Variants in LPIN2 observed in about 807,000 individuals in gnomAD.
LPIN2 encodes the protein lipin 2.
Under a neutral mutation model 111.4 loss-of-function variants are expected in LPIN2, and 55 were observed. The ratio of observed to expected loss-of-function variants is 0.49; its 90% CI spans 0.40 to 0.62. The LOEUF is 0.62. LPIN2 is among the 20% of genes least tolerant of loss of function. The pLI is 0.00. For missense variants in LPIN2, 992 were observed against 1,112.1 expected (o/e 0.89, Z 1.54); for synonymous variants, 425 against 414.0 (o/e 1.03, Z -0.32).
At chr18:2,921,835 A>C (rs2077058321) in intron 17 of LPIN2, 188 bp from the exon 18 acceptor site, 2 of 807,642 alleles carry the variant, frequency 2.5e-6, no homozygotes, top group Non-Finnish European at 3.9e-6. Flanking sequence ...GGAAGGAGAA[A>C]ACTTGACGGT....
chr18:3,002,236 C>CAAAAAAA (rs765641037), intron 1 of LPIN2, among the ~76,000 whole-genome samples: 13 of 82,816 alleles, frequency 1.6e-4, no homozygotes, highest in Middle Eastern at 8.6e-3. Context: ...TTCAAAAGAC[C>CAAAAAAA]AAAAAAAAAA....
intron 7 of LPIN2, 116 bp downstream of exon 7, chr18:2,937,576 G>C: frequency 2.0e-5 from 12 of 596,386 alleles, no homozygotes; most frequent in East Asian, 6.5e-5. Context: ...AAAAAAGTGC[G>C]ACGGGTTTCG....
At chr18:2,990,790 A>AT (rs2078253870) in intron 1 of LPIN2, 1 of 384,556 alleles carries the variant, frequency 2.6e-6, no homozygotes, top group Non-Finnish European at 5.2e-6. Flanking sequence ...GACTGACAAA[A>AT]TAAGGGTTGC....
At chr18:2,949,341 G>C (rs932626079) in intron 4 of LPIN2, among the ~76,000 whole-genome samples, 6 of 152,108 alleles carry the variant, frequency 3.9e-5, no homozygotes, top group Admixed American at 6.5e-5. Context: ...ACTCTTCTCA[G>C]CTAGTATTTT....
At chr18:3,007,002 T>TA (rs577110033) in intron 1 of LPIN2, among the ~76,000 whole-genome samples, 30,391 of 142,498 alleles carry the variant, frequency 0.21, 3,093 homozygotes, top group South Asian at 0.28. Context: ...CTTGTCTCTT[T>TA]AAAAAAAAAA....
chr18:2,962,407 G>C (rs561144766), intron 1 of LPIN2, among the ~76,000 whole-genome samples: 17 of 152,172 alleles, frequency 1.1e-4, no homozygotes, highest in African/African-American at 4.1e-4. Flanking sequence ...GATGGTTTTG[G>C]AATAATTGAT....
At chr18:2,985,623 G>T (rs1039019812) in intron 1 of LPIN2, among the ~76,000 whole-genome samples, 2 of 152,102 alleles carry the variant, frequency 1.3e-5, no homozygotes, top group Non-Finnish European at 2.9e-5. Flanking sequence ...CTTTGTTTTT[G>T]TTTTTTCTAC....
intron 1 of LPIN2, among the ~76,000 whole-genome samples, chr18:2,968,025 C>CTA (rs1475781059): frequency 6.6e-6 from 1 of 152,188 alleles, no homozygotes; most frequent in Non-Finnish European, 1.5e-5. Context: ...GAGCCTCTAA[C>CTA]ACTCACCGCT....
chr18:2,957,314 C>A (rs566463239), intron 2 of LPIN2, among the ~76,000 whole-genome samples: 1 of 152,284 alleles, frequency 6.6e-6, no homozygotes, highest in South Asian at 2.1e-4. Context: ...GCTCAAAAAT[C>A]TGAAACTTCT....
At chr18:2,923,575 A>C (rs916776098) in intron 16 of LPIN2, among the ~76,000 whole-genome samples, 200 bp downstream of exon 16, 2 of 152,188 alleles carry the variant, frequency 1.3e-5, no homozygotes, top group Non-Finnish European at 2.9e-5. Flanking sequence ...TGTGAGGATT[A>C]ACTGAGATGA....
rs1267386721 is a variant in LPIN2 at position 2,939,526 on chromosome 18, T to A, written c.776A>T (p.Glu259Val). The A allele has an allele frequency of 6.2e-7, 1 of 1,614,076 alleles. No individual in the cohort carries two copies. Among genetic ancestry groups the A allele is most frequent in the Non-Finnish European group, 8.5e-7 (1 of 1,179,948 alleles). The change falls in exon 6 of 20, where the codon GAG becomes GTG. Residue 259 changes from glutamate (E) to valine (V), a missense_variant. Around this residue, in one of 4 missense-constraint regions of LPIN2, gnomAD observed 709 missense variants for 753.2 expected, o/e 0.94. Transcript: ENST00000677752. ...VKPAESLLRS[E>V]SHMEWTWGGF... ...GCCCCACGTCCACTCCATGTGAGAC[T>A]CTGATCTGAGCAGGCTCTCCGCAGG...
chr18:2,983,918 G>A (rs893539173), intron 1 of LPIN2, among the ~76,000 whole-genome samples: 16 of 152,024 alleles, frequency 1.1e-4, no homozygotes, highest in African/African-American at 3.4e-4. Flanking sequence ...AGAACAAGGT[G>A]GGGAAAAGGC....
chr18:3,005,743 C>T (rs961157330), intron 1 of LPIN2, among the ~76,000 whole-genome samples: 7 of 151,832 alleles, frequency 4.6e-5, no homozygotes, highest in South Asian at 2.1e-4. Context: ...GTAACAACAA[C>T]GGCCAGGTGT....
intron 8 of LPIN2, among the ~76,000 whole-genome samples, chr18:2,932,680 G>A (rs1161761832): frequency 6.6e-6 from 1 of 152,190 alleles, no homozygotes; most frequent in Non-Finnish European, 1.5e-5. Flanking sequence ...GTGGGGCCAC[G>A]TGAGCACATG....
chr18:3,003,414 C>T (rs1406437452), intron 1 of LPIN2, among the ~76,000 whole-genome samples: 4 of 152,154 alleles, frequency 2.6e-5, no homozygotes, highest in Non-Finnish European at 5.9e-5. Flanking sequence ...GTGATGGGAC[C>T]TGGATTTCTG....
intron 3 of LPIN2, among the ~76,000 whole-genome samples, chr18:2,953,202 C>T (rs924837251): frequency 1.3e-5 from 2 of 152,142 alleles, no homozygotes; most frequent in African/African-American, 4.8e-5. Flanking sequence ...TCCAAGTTGT[C>T]CTTGCTGAGC....
intron 5 of LPIN2, 73 bp downstream of exon 5, chr18:2,940,532 C>G: frequency 1.1e-6 from 1 of 870,830 alleles, no homozygotes; most frequent in South Asian, 1.4e-5. Flanking sequence ...ATCATTACTA[C>G]AGATTAACAG....
intron 1 of LPIN2, 71 bp from the exon 2 acceptor site, chr18:2,960,920 G>A (rs1049855878): frequency 5.0e-5 from 65 of 1,305,094 alleles, no homozygotes; most frequent in Non-Finnish European, 6.4e-5. Context: ...AATAACAGTC[G>A]TAACAAAAAT....
At chr18:2,921,998 C>T (rs1212512300) in intron 17 of LPIN2, 49 bp downstream of exon 17, 17 of 1,587,104 alleles carry the variant, frequency 1.1e-5, no homozygotes, top group East Asian at 2.3e-5. Flanking sequence ...GGCCCAGCCC[C>T]GCCCACATGC....
Sources: gnomAD v4.1 joint callset for allele counts (sites outside exome capture counted in the v4.1 genomes callset) on GRCh38, gnomAD v4.1.1 for gene constraint, gnomAD v4.1.1 regional missense constraint, MANE v1.5 for transcripts, NCBI Gene and HGNC (gene_info 2026-07-23, HGNC 2026-07-21) for gene names.